SDCCAG8: variants seen among roughly 807,000 people sequenced by gnomAD.
The protein encoded by SDCCAG8 is serologically defined colon cancer antigen 8.
A neutral mutation model predicts 101.8 loss-of-function variants in SDCCAG8; 74 were observed. That is an observed-to-expected ratio of 0.73 (90% CI 0.60 to 0.88). The LOEUF (loss-of-function observed/expected upper bound fraction) is 0.88, where lower values mean the gene tolerates loss of function less well. Ranked by LOEUF, SDCCAG8 falls within the 40% of genes least tolerant of loss-of-function variation. The probability of loss-of-function intolerance (pLI) is 0.00; values close to 1 mark genes in which losing one functional copy is unlikely to be tolerated. For synonymous variants in SDCCAG8, 281 were observed against 292.9 expected (o/e 0.96, Z 0.41); for missense variants, 787 against 822.6 (o/e 0.96, Z 0.53).
intron 16 of SDCCAG8, among the ~76,000 whole-genome samples, chr1:243,468,874 CTAACGTATGTGAAAAGTACTTCG>C (rs926803391): frequency 5.3e-5 from 8 of 152,160 alleles, no homozygotes; most frequent in Non-Finnish European, 1.2e-4. Context: ...GTTGACTGAG[CTAACGTATGTGAAAAGTACTTCG>C]TATATGCTCT....
Position 243,327,424 on chromosome 1 carries a change from G to GTAGAAA in SDCCAG8, c.1069-3115_1069-3114insAGAAAT, listed in dbSNP as rs1558300479. Among the ~76,000 whole-genome samples, 111 of 128,308 alleles carry GTAGAAA rather than the reference G, an allele frequency of 8.7e-4. 7 individuals are homozygous for GTAGAAA. The highest frequency in any genetic ancestry group is 7.4e-4 in the Non-Finnish European group (43 of 58,042). 84.2% of individuals were successfully genotyped at this position (128,308 alleles called of 152,430 possible). ...TATAGAAATTTATAATTTTATAGAA[G>GTAGAAA]TTAAAATTATAATTTATAATTTTGT... On this transcript the variant is annotated intron_variant, in intron 9 of 17. Transcript: ENST00000366541.
chr1:243,391,541 A>C (rs1331771717), intron 13 of SDCCAG8, among the ~76,000 whole-genome samples: 1 of 152,188 alleles, frequency 6.6e-6, no homozygotes, highest in African/African-American at 2.4e-5. Flanking sequence ...GTCACCTGTG[A>C]TAGGGCTGAG....
intron 17 of SDCCAG8, among the ~76,000 whole-genome samples, chr1:243,495,067 G>A (rs1279645009): frequency 1.3e-5 from 2 of 152,260 alleles, no homozygotes; most frequent in Non-Finnish European, 2.9e-5. Flanking sequence ...CTGCCTGTGT[G>A]TAGAGGAAGT....
chr1:243,349,307 C>T (rs1195100549), intron 12 of SDCCAG8, among the ~76,000 whole-genome samples: 1 of 152,168 alleles, frequency 6.6e-6, no homozygotes, highest in African/African-American at 2.4e-5. Flanking sequence ...CAAGTCTGGC[C>T]TGCTGTCTAT....
intron 13 of SDCCAG8, among the ~76,000 whole-genome samples, chr1:243,398,462 A>ATT (rs1486884744): frequency 6.6e-6 from 1 of 152,174 alleles, no homozygotes; most frequent in East Asian, 1.9e-4. Flanking sequence ...GATGACCTGT[A>ATT]TTTTAAAGTC....
intron 16 of SDCCAG8, among the ~76,000 whole-genome samples, chr1:243,465,478 C>A (rs3006912): frequency 0.041 from 6,198 of 152,288 alleles, 462 homozygotes; most frequent in African/African-American, 0.14. Flanking sequence ...GTACTATGTT[C>A]TATTGGATAT....
At chr1:243,317,319 AT>A (rs34669151) in intron 9 of SDCCAG8, among the ~76,000 whole-genome samples, 1,733 of 133,552 alleles carry the variant, frequency 0.013, 19 homozygotes, top group African/African-American at 0.037. Flanking sequence ...ATTTAGTAGC[AT>A]TTTTTTTTTT....
intron 13 of SDCCAG8, among the ~76,000 whole-genome samples, chr1:243,399,980 TTGACC>T (rs1347922906): frequency 2.0e-5 from 3 of 152,216 alleles, no homozygotes; most frequent in African/African-American, 4.8e-5. Flanking sequence ...GGTTAGTACC[TTGACC>T]CAAGTCACAG....
At chr1:243,341,307 A>G (rs2147782727) in intron 11 of SDCCAG8, 134 bp downstream of exon 11, 2 of 887,296 alleles carry the variant, frequency 2.3e-6, no homozygotes, top group South Asian at 1.6e-5. Context: ...TTCAAGAATA[A>G]TAAAAGGCCA....
chr1:243,258,588 A>G (rs758193554), intron 1 of SDCCAG8, among the ~76,000 whole-genome samples: 6 of 152,140 alleles, frequency 3.9e-5, no homozygotes, highest in African/African-American at 7.2e-5. Flanking sequence ...TATTTTTAGT[A>G]GAGACTGGGT....
intron 9 of SDCCAG8, among the ~76,000 whole-genome samples, chr1:243,328,158 T>G (rs928523600): frequency 6.6e-6 from 1 of 152,136 alleles, no homozygotes; most frequent in Admixed American, 6.5e-5. Flanking sequence ...TGCCTCAGCC[T>G]CCCAAAGTGC....
rs557402299 is a variant in SDCCAG8 at position 243,338,371 on chromosome 1, C to T, written c.1222-2668C>T. Among the ~76,000 whole-genome samples the T allele has an allele frequency of 4.1e-4, 62 of 151,992 alleles. No homozygotes were observed. In the South Asian group the frequency reaches 4.6e-3, roughly 11 times the overall value. On this transcript the variant is annotated intron_variant, in intron 10 of 17. Transcript: ENST00000366541. ...CCTAACTGTAGGAATACTTGTGAAA[C>T]GTATAGATTTTCTTTCTTTCTATGT...
intron 13 of SDCCAG8, among the ~76,000 whole-genome samples, chr1:243,410,892 A>G (rs2080126045): frequency 6.6e-6 from 1 of 152,168 alleles, no homozygotes; most frequent in Non-Finnish European, 1.5e-5. Flanking sequence ...ATCAACCAGA[A>G]CTATAATTGG....
chr1:243,344,396 T>A, intron 12 of SDCCAG8, 65 bp downstream of exon 12: 1 of 1,106,480 alleles, frequency 9.0e-7, no homozygotes, highest in Non-Finnish European at 1.4e-6. Flanking sequence ...CTCAAGTTGA[T>A]GTTGTTTTAT....
At chr1:243,477,042 AG>A in intron 16 of SDCCAG8, among the ~76,000 whole-genome samples, 1 of 151,366 alleles carries the variant, frequency 6.6e-6, no homozygotes, top group Non-Finnish European at 1.5e-5. Context: ...ACAGAGAGAA[AG>A]GCAGGAGAGC....
intron 4 of SDCCAG8, among the ~76,000 whole-genome samples, chr1:243,283,677 C>T (rs147427193): frequency 1.3e-4 from 20 of 152,082 alleles, no homozygotes; most frequent in African/African-American, 2.9e-4. Context: ...TATATTACCC[C>T]GCTGTTCTTG....
intron 12 of SDCCAG8, among the ~76,000 whole-genome samples, chr1:243,373,500 G>T (rs1012459213): frequency 2.6e-5 from 4 of 152,020 alleles, no homozygotes; most frequent in Non-Finnish European, 5.9e-5. Flanking sequence ...ATTTGACTGG[G>T]TGTTTCTGCT....
intron 6 of SDCCAG8, among the ~76,000 whole-genome samples, chr1:243,293,822 T>C (rs1028899240): frequency 6.6e-6 from 1 of 152,232 alleles, no homozygotes; most frequent in Non-Finnish European, 1.5e-5. Context: ...TTGGATCATA[T>C]GGTAATTCTT....
chr1:243,440,032 G>A (rs984990844), intron 16 of SDCCAG8, among the ~76,000 whole-genome samples: 3 of 152,160 alleles, frequency 2.0e-5, no homozygotes, highest in Non-Finnish European at 2.9e-5. Flanking sequence ...GGTGCATAAT[G>A]GTTAATGATA....
Sources: gnomAD v4.1 joint callset for allele counts (sites outside exome capture counted in the v4.1 genomes callset) on GRCh38, gnomAD v4.1.1 for gene constraint, MANE v1.5 for transcripts, NCBI Gene and HGNC (gene_info 2026-07-23, HGNC 2026-07-21) for gene names.